ZRANB1: variants seen among roughly 807,000 people sequenced by gnomAD.
ZRANB1 encodes ubiquitin thioesterase ZRANB1.
A neutral mutation model predicts 80.5 loss-of-function variants in ZRANB1; 16 were observed. The ratio of observed to expected loss-of-function variants is 0.20; its 90% confidence interval spans 0.13 to 0.30. The LOEUF (loss-of-function observed/expected upper bound fraction) is 0.30, where lower values mean the gene tolerates loss of function less well. Ranked by LOEUF, ZRANB1 falls within the 10% of genes least tolerant of loss-of-function variation. The probability of loss-of-function intolerance (pLI) is 1.00; values close to 1 mark genes in which losing one functional copy is unlikely to be tolerated. For missense variants in ZRANB1, 576 were observed against 862.6 expected, an observed-to-expected ratio of 0.67 and a Z score of 4.16; for synonymous variants, 291 against 293.1, an observed-to-expected ratio of 0.99 and a Z score of 0.07.
chr10:124,922,317 AAAATATATG>A, the ZRANB1 span, among the ~76,000 whole-genome samples: 6 of 17,148 alleles, frequency 3.5e-4, no homozygotes, highest in Middle Eastern at 0.071. Context: ...ATATATATGT[AAAATATATG>A]TATATATATA....
chr10:124,963,395 C>T (rs190817424), intron 1 of ZRANB1, among the ~76,000 whole-genome samples: 19 of 151,952 alleles, frequency 1.3e-4, no homozygotes, highest in African/African-American at 3.1e-4. Context: ...GGCCTTTCTC[C>T]CATAAAGTGA....
chr10:124,974,010 A>G (rs1290756669), intron 4 of ZRANB1, among the ~76,000 whole-genome samples, 190 bp from the exon 5 acceptor site: 1 of 152,236 alleles, frequency 6.6e-6, no homozygotes, highest in African/African-American at 2.4e-5. Flanking sequence ...AAGTTTATTA[A>G]ATTATTCTAG....
At chr10:124,928,896 A>C in the ZRANB1 span, among the ~76,000 whole-genome samples, 4 of 152,382 alleles carry the variant, frequency 2.6e-5, no homozygotes, top group East Asian at 7.7e-4. Flanking sequence ...CTGGGGAAAT[A>C]ACATTCTAGG....
At chr10:124,925,300 C>T in the ZRANB1 span, among the ~76,000 whole-genome samples, 1 of 151,998 alleles carries the variant, frequency 6.6e-6, no homozygotes, top group East Asian at 1.9e-4. Context: ...AATTGTCATT[C>T]TAGTGGAATG....
At position 124,985,256 on chromosome 10, in the gene ZRANB1, C is replaced by G; in HGVS notation, c.*264C>G. ...CTTTTTTTCCTTCCAAATTGTAAAT[C>G]TGTCTATAAATGTAACGCATGTGGT... is the stretch of plus-strand genomic sequence containing the variant. On this transcript the variant is annotated 3_prime_UTR_variant, in exon 9 of 9. Coordinates refer to ENST00000359653, the MANE Select transcript of ZRANB1 (RefSeq NM_017580.3). The G allele has an allele frequency of 2.6e-6, 1 of 388,366 alleles. No individual in the cohort carries two copies. The highest frequency in any genetic ancestry group is 4.6e-6 in the Non-Finnish European group (1 of 216,030). The allele number at this position is 388,366 out of a possible 1,614,324, so 24.1% of individuals were successfully genotyped here. A position where few individuals can be genotyped will look rare whatever the true frequency, so the allele number is the denominator to read the frequency against.
At chr10:124,984,163 C>A (rs1951973682) in intron 8 of ZRANB1, among the ~76,000 whole-genome samples, 1 of 152,086 alleles carries the variant, frequency 6.6e-6, no homozygotes, top group East Asian at 1.9e-4. Context: ...AAACCAATGG[C>A]CAGTTTACCC....
At chr10:124,949,451 A>ATATATATATGTTTACACACATG (rs1564957243) in intron 1 of ZRANB1, among the ~76,000 whole-genome samples, 2 of 144,332 alleles carry the variant, frequency 1.4e-5, no homozygotes, top group African/African-American at 5.7e-5. Flanking sequence ...ACACATATGT[A>ATATATATATGTTTACACACATG]TATATATATG....
At chr10:124,936,890 A>G in the ZRANB1 span, among the ~76,000 whole-genome samples, 2 of 152,150 alleles carry the variant, frequency 1.3e-5, no homozygotes, top group Non-Finnish European at 2.9e-5. Context: ...TAAGCTAATA[A>G]TTATTTATAT....
the ZRANB1 span, among the ~76,000 whole-genome samples, chr10:124,922,278 T>TAA: frequency 2.6e-5 from 1 of 38,600 alleles, no homozygotes; most frequent in African/African-American, 5.4e-5. Flanking sequence ...TATATATATG[T>TAA]AAAATATATA....
At chr10:124,921,816 C>T in the ZRANB1 span, among the ~76,000 whole-genome samples, 9 of 151,396 alleles carry the variant, frequency 5.9e-5, no homozygotes, top group African/African-American at 1.5e-4. Context: ...AATCTGGATC[C>T]GTAAGCATTC....
intron 1 of ZRANB1, among the ~76,000 whole-genome samples, chr10:124,948,372 G>C (rs145282463): frequency 2.2e-4 from 34 of 152,262 alleles, no homozygotes; most frequent in Admixed American, 1.2e-3. Context: ...ATTTTGGGGG[G>C]AGTTAAAAGT....
intron 1 of ZRANB1, among the ~76,000 whole-genome samples, chr10:124,962,132 A>C (rs1951739033): frequency 6.6e-6 from 1 of 152,256 alleles, no homozygotes; most frequent in African/African-American, 2.4e-5. Context: ...TTATGATATA[A>C]AAAAGTATTA....
chr10:124,981,888 G>T, intron 6 of ZRANB1, 59 bp downstream of exon 6: 1 of 1,594,816 alleles, frequency 6.3e-7, no homozygotes, highest in East Asian at 2.3e-5. Context: ...AGTCTAAACT[G>T]GTTTATTTGA....
At chr10:124,973,756 G>C in intron 4 of ZRANB1, 40 bp downstream of exon 4, 1 of 1,571,932 alleles carries the variant, frequency 6.4e-7, no homozygotes, top group Non-Finnish European at 8.7e-7. Context: ...CCTTTCATCT[G>C]ATCAAGTAAG....
chr10:124,943,132 AAGG>A lies in ZRANB1; in HGVS notation c.642_644del (p.Arg215del), dbSNP rs1564954905. On this transcript the variant is annotated inframe_deletion, in exon 1 of 9. Coordinates refer to ENST00000359653, the MANE Select transcript of ZRANB1 (RefSeq NM_017580.3). Reference sequence around the variant, plus strand: ...GAAGTTGCAGTAGTGGTAATAGCCAAAGGAGATCACCTCCTGCTACGAAGCGGG... The same window carrying A: ...GAAGTTGCAGTAGTGGTAATAGCCAAAGATCACCTCCTGCTACGAAGCGGG... 3 of 1,614,250 alleles carry A rather than the reference AAGG, an allele frequency of 1.9e-6. No individual in the cohort carries two copies. Among genetic ancestry groups the A allele is most frequent in the Middle Eastern group, 1.6e-4 (1 of 6,062 alleles).
chr10:124,949,523 A>ACACTT (rs531718406), intron 1 of ZRANB1, among the ~76,000 whole-genome samples: 3 of 116,856 alleles, frequency 2.6e-5, no homozygotes, highest in Admixed American at 9.2e-5. Flanking sequence ...ACACACACAC[A>ACACTT]TTTTTTTTTT....
At chr10:124,955,867 A>T (rs973135054) in intron 1 of ZRANB1, among the ~76,000 whole-genome samples, 1 of 152,120 alleles carries the variant, frequency 6.6e-6, no homozygotes, top group African/African-American at 2.4e-5. Context: ...TTCCCTTTCT[A>T]CTATTAAATG....
At chr10:124,973,329 A>AT (rs1351223843) in intron 3 of ZRANB1, among the ~76,000 whole-genome samples, 2 of 151,526 alleles carry the variant, frequency 1.3e-5, no homozygotes, top group East Asian at 2.0e-4. Context: ...ATTTTTGTAT[A>AT]TTTTTTGTAT....
the ZRANB1 span, among the ~76,000 whole-genome samples, chr10:124,933,422 C>T: frequency 6.6e-6 from 1 of 152,306 alleles, no homozygotes; most frequent in African/African-American, 2.4e-5. Flanking sequence ...CAGGCGTGAG[C>T]CACTGTGCCT....
Sources: allele counts gnomAD v4.1 joint callset (sites outside exome capture counted in the v4.1 genomes callset), GRCh38; gene constraint gnomAD v4.1.1; transcripts MANE v1.5; gene names NCBI Gene and HGNC (gene_info 2026-07-23, HGNC 2026-07-21).